The following MARK1 variants were observed in gnomAD, a reference collection of about 807,000 sequenced individuals.
MARK1 encodes the protein serine/threonine-protein kinase MARK1.
A neutral mutation model predicts 96.3 loss-of-function variants in MARK1; 40 were observed. The observed-to-expected ratio is 0.42, with a 90% CI of 0.32 to 0.54. The LOEUF is 0.54. Among genes scored for constraint, MARK1 ranks in the 20% least tolerant of loss-of-function variants. The pLI, the probability that MARK1 is intolerant of heterozygous loss-of-function variation, is 0.16. For synonymous variants in MARK1, 317 were observed against 341.2 expected (o/e 0.93, Z 0.78); for missense variants, 719 against 984.6 (o/e 0.73, Z 3.61).
intron 13 of MARK1, among the ~76,000 whole-genome samples, chr1:220,640,446 G>C (rs1296947719): frequency 6.6e-6 from 1 of 152,154 alleles, no homozygotes; most frequent in Non-Finnish European, 1.5e-5. Flanking sequence ...TTGATAGCAT[G>C]GGGAGAGTTT....
chr1:220,546,405 G>C (rs541896771), intron 1 of MARK1, among the ~76,000 whole-genome samples: 1 of 152,250 alleles, frequency 6.6e-6, no homozygotes, highest in East Asian at 1.9e-4. Flanking sequence ...AGAAAGTAGA[G>C]TTTCTCTAGA....
intron 11 of MARK1, among the ~76,000 whole-genome samples, chr1:220,633,023 G>C (rs560224425): frequency 6.6e-6 from 1 of 152,204 alleles, no homozygotes; most frequent in South Asian, 2.1e-4. Context: ...TGGAAGGTGA[G>C]GGGGAGCCAG....
At position 220,660,405 on chromosome 1, in the gene MARK1, A is replaced by G. The variant is rs1669411793; in HGVS notation, c.2034-1407A>G. Among the ~76,000 whole-genome samples, 11 of 152,200 alleles carry G rather than the reference A, an allele frequency of 7.2e-5. No homozygotes were observed. In the South Asian group the frequency reaches 2.3e-3, roughly 31 times the overall value. On this transcript the variant is annotated intron_variant, in intron 17 of 17. Coordinates refer to ENST00000366917, the MANE Select transcript of MARK1 (RefSeq NM_018650.5). ...CAGAGCTTTGGGGACTCAGATACCT[A>G]GGCTCAGACACCTGGAAATGAAGTA...
rs1408623293 is a variant in MARK1, at chr1:220,528,396, G to A, written c.-427G>A. On this transcript the variant is annotated 5_prime_UTR_variant, in exon 1 of 18. Coordinates refer to ENST00000366917, the MANE Select transcript of MARK1 (RefSeq NM_018650.5). The stretch of plus-strand genomic sequence containing the variant: ...CGGCGCGGGTGACGCTGTCAGGGCC[G>A]CGGTTCCTGACGCCCAGGCGCTCGC... The A allele has an allele frequency of 9.1e-5, 15 of 163,970 alleles. No individual in the cohort carries two copies. The highest frequency in any genetic ancestry group is 1.6e-4 in the Non-Finnish European group (12 of 76,262). 10.2% of individuals were successfully genotyped at this position (163,970 alleles called of 1,614,324 possible).
chr1:220,637,813 A>T (rs1366401329), intron 13 of MARK1, among the ~76,000 whole-genome samples: 1 of 151,952 alleles, frequency 6.6e-6, no homozygotes, highest in African/African-American at 2.4e-5. Context: ...AAAAAAAAAA[A>T]CCTCAGCCTG....
chr1:220,638,173 A>G (rs1038488821), intron 13 of MARK1, among the ~76,000 whole-genome samples: 2 of 150,260 alleles, frequency 1.3e-5, no homozygotes, highest in East Asian at 2.0e-4. Flanking sequence ...GACAGTTTCC[A>G]GTGTAATCAC....
In MARK1 at chr1:220,650,757, G is replaced by C. The variant is rs766160456; in HGVS notation, c.1571+37G>C. ...AGTGCCAAGTAGTAATACCTTTGCT[G>C]TTGTTCTGTGTTAGTGCCCTTGCTG... On this transcript the variant is annotated intron_variant, in intron 14 of 17. Transcript: ENST00000366917. The C allele has an allele frequency of 5.4e-5, 78 of 1,447,070 alleles. No homozygotes were observed. In the South Asian group the frequency reaches 9.0e-4, roughly 17 times the overall value. The allele number at this position is 1,447,070 out of a possible 1,614,324, so 89.6% of individuals were successfully genotyped here.
At chr1:220,579,000 A>G in intron 1 of MARK1, among the ~76,000 whole-genome samples, 1 of 151,770 alleles carries the variant, frequency 6.6e-6, no homozygotes, top group South Asian at 2.1e-4. Flanking sequence ...GTGCCACCAC[A>G]ACCGGCTAAT....
intron 3 of MARK1, 41 bp downstream of exon 3, chr1:220,581,159 T>A: frequency 1.4e-6 from 1 of 702,856 alleles, no homozygotes; most frequent in Non-Finnish European, 2.1e-6. Flanking sequence ...TGTGAGTTTA[T>A]CATTAATATG....
chr1:220,599,540 T>C (rs1665598537), intron 4 of MARK1, among the ~76,000 whole-genome samples: 1 of 152,138 alleles, frequency 6.6e-6, no homozygotes. Context: ...CTTATTCTAA[T>C]TTGAAAAAGT....
chr1:220,575,163 A>C (rs1332820592), intron 1 of MARK1, among the ~76,000 whole-genome samples: 3 of 152,188 alleles, frequency 2.0e-5, no homozygotes, highest in African/African-American at 7.2e-5. Flanking sequence ...TGAAATCATT[A>C]TCTCTGCTTA....
At chr1:220,536,401 CTT>C (rs377315002) in intron 1 of MARK1, among the ~76,000 whole-genome samples, 4 of 140,308 alleles carry the variant, frequency 2.9e-5, no homozygotes, top group East Asian at 2.1e-4. Flanking sequence ...TAGTTGTGGG[CTT>C]TTTTTTTTTT....
intron 6 of MARK1, 101 bp downstream of exon 6, chr1:220,604,238 G>C (rs1665930704): frequency 8.5e-6 from 5 of 585,600 alleles, no homozygotes; most frequent in Non-Finnish European, 1.5e-5. Flanking sequence ...ATTTTAAAAA[G>C]AAGAATTCCT....
intron 3 of MARK1, among the ~76,000 whole-genome samples, chr1:220,589,817 A>T (rs1225668193): frequency 1.3e-5 from 2 of 152,238 alleles, no homozygotes; most frequent in African/African-American, 2.4e-5. Context: ...GAAAATTAAC[A>T]TCAGAAACTC....
intron 1 of MARK1, among the ~76,000 whole-genome samples, chr1:220,540,998 A>G (rs527862286): frequency 6.6e-6 from 1 of 151,934 alleles, no homozygotes; most frequent in South Asian, 2.1e-4. Flanking sequence ...CTGTGGTGCA[A>G]TCTCAGCTCA....
At position 220,618,197 on chromosome 1, in the gene MARK1, C is replaced by G; in HGVS notation, c.553-113C>G. 1.5e-6 allele frequency: 1 copy of G among 682,010 alleles called. No homozygotes were observed. The highest frequency in any genetic ancestry group is 2.5e-6 in the Non-Finnish European group (1 of 399,124). 42.2% of individuals were successfully genotyped at this position (682,010 alleles called of 1,614,324 possible). On this transcript the variant is annotated intron_variant, in intron 7 of 17. Coordinates refer to ENST00000366917, the MANE Select transcript of MARK1 (RefSeq NM_018650.5). This position sits in a 1 kb window ranked among gnomAD's most constrained non-coding sequence, Gnocchi z 4.6. ...TACTGGGCTTCTAAATTTGATACTACATTTAGAAATGAGGGGCAAGAGATA... is the reference window on the plus strand; with the variant it reads ...TACTGGGCTTCTAAATTTGATACTAGATTTAGAAATGAGGGGCAAGAGATA...
intron 9 of MARK1, chr1:220,625,996 A>T: frequency 1.8e-6 from 1 of 547,972 alleles, no homozygotes; most frequent in Non-Finnish European, 3.7e-6. Context: ...ATGTTCGAGC[A>T]CAGCAAGCAG....
chr1:220,544,071 T>C (rs1277950994), intron 1 of MARK1, among the ~76,000 whole-genome samples: 1 of 152,194 alleles, frequency 6.6e-6, no homozygotes, highest in East Asian at 1.9e-4. Flanking sequence ...TCAGGGAATT[T>C]TCTGTAAGTA....
chr1:220,538,878 T>C (rs1462918526), intron 1 of MARK1, among the ~76,000 whole-genome samples: 4 of 149,474 alleles, frequency 2.7e-5, no homozygotes, highest in African/African-American at 7.3e-5. Flanking sequence ...TTGTCTGTTA[T>C]TGGTGTATAA....
Sources: allele counts gnomAD v4.1 joint callset (sites outside exome capture counted in the v4.1 genomes callset), GRCh38; gene constraint gnomAD v4.1.1; non-coding constraint Gnocchi (gnomAD v3.1); transcripts MANE v1.5; gene names NCBI Gene and HGNC (gene_info 2026-07-23, HGNC 2026-07-21).